Variants in SYNE3 observed in about 807,000 individuals in gnomAD.
SYNE3 encodes nesprin-3.
In SYNE3, 100 loss-of-function variants were observed where a neutral mutation model predicts 111.2. The ratio of observed to expected loss-of-function variants is 0.90; its 90% CI spans 0.77 to 1.06. The LOEUF (loss-of-function observed/expected upper bound fraction) is 1.06. SYNE3 is among the 50% of genes least tolerant of loss of function. The probability of loss-of-function intolerance (pLI) is 0.00; values close to 1 mark genes in which losing one functional copy is unlikely to be tolerated. For missense variants in SYNE3, 1,160 were observed against 1,240.3 expected, an observed-to-expected ratio of 0.94 and a Z score of 0.97; for synonymous variants, 547 against 533.9, an observed-to-expected ratio of 1.02 and a Z score of -0.34.
In SYNE3 at chr14:95,455,511, G is replaced by C. The variant is rs753314369; in HGVS notation, c.1003C>G (p.Gln335Glu). The C allele has an allele frequency of 4.3e-6, 7 of 1,613,784 alleles. No individual in the cohort carries two copies. The highest frequency in any genetic ancestry group is 5.1e-6 in the Non-Finnish European group (6 of 1,180,018). Residue 335 changes from glutamine to glutamate, a missense_variant, in exon 6 of 18, where the codon CAG (glutamine) becomes GAG (glutamate). Gln to Glu is a conservative substitution (Grantham distance 29). Transcript: ENST00000682763. ...GLLRSRGAWE[Q>E]QIKQLEAELS... ...TCAGCCTCCAGCTGCTTAATCTGCT[G>C]CTCCCAGGCTCCCCTGGACCGGAGC...
At chr14:95,514,497 C>T (rs1890840838) in intron 1 of SYNE3, among the ~76,000 whole-genome samples, 1 of 152,238 alleles carries the variant, frequency 6.6e-6, no homozygotes, top group Non-Finnish European at 1.5e-5. Flanking sequence ...GACGAGGCCC[C>T]TTCGCCTCAA....
chr14:95,478,284 C>A (rs1023648399), intron 1 of SYNE3, among the ~76,000 whole-genome samples: 1 of 152,194 alleles, frequency 6.6e-6, no homozygotes, highest in Non-Finnish European at 1.5e-5. Context: ...AATAAGCAGA[C>A]AGCAGACACT....
intron 6 of SYNE3, among the ~76,000 whole-genome samples, chr14:95,454,128 A>G (rs1357230582): frequency 6.6e-6 from 1 of 152,254 alleles, no homozygotes; most frequent in South Asian, 2.1e-4. Context: ...GCAGAGGGAT[A>G]ACACAAGTCA....
At position 95,439,718 on chromosome 14, in the gene SYNE3, C is replaced by T. The variant is rs868284481; in HGVS notation, c.2140G>A (p.Val714Met). ...CCCTCCGGAGAAGACTTCTCCATCA[C>T]CAGCCAGCCCTGCGCTTCCACCAGG... is the stretch of plus-strand genomic sequence containing the variant. ...LSLVEAQGWLVMEKSSPEGAA... is the reference protein window; with the variant it reads ...LSLVEAQGWLMMEKSSPEGAA... The change falls in exon 13 of 18, where the codon GTG (valine) becomes ATG (methionine). Residue 714 changes from valine to methionine, a missense_variant. Coordinates refer to ENST00000682763, the MANE Select transcript of SYNE3 (RefSeq NM_152592.6). 3 of 1,614,208 alleles carry T rather than the reference C, an allele frequency of 1.9e-6. No individual in the cohort carries two copies. The highest frequency in any genetic ancestry group is 1.3e-5 in the African/African-American group (1 of 75,072).
chr14:95,427,808 T>C (rs528058775), intron 17 of SYNE3, among the ~76,000 whole-genome samples: 1 of 152,320 alleles, frequency 6.6e-6, no homozygotes, highest in South Asian at 2.1e-4. Context: ...GTCTTTTCTT[T>C]TATCTCTTTG....
chr14:95,448,149 G>A (rs1419837310), intron 8 of SYNE3, among the ~76,000 whole-genome samples: 2 of 152,192 alleles, frequency 1.3e-5, no homozygotes, highest in African/African-American at 4.8e-5. Flanking sequence ...CATAAAAATT[G>A]TAATTAAATC....
intron 1 of SYNE3, among the ~76,000 whole-genome samples, chr14:95,496,065 G>A (rs1243873639): frequency 6.6e-6 from 1 of 152,242 alleles, no homozygotes; most frequent in Non-Finnish European, 1.5e-5. Context: ...TGAAGGCCAT[G>A]CCCTAAAAGG....
intron 8 of SYNE3, chr14:95,449,395 C>T (rs1886915039): frequency 3.1e-6 from 3 of 981,130 alleles, no homozygotes; most frequent in African/African-American, 3.5e-5. Flanking sequence ...GTGGAGAGAG[C>T]CCTGTGCATC....
intron 1 of SYNE3, among the ~76,000 whole-genome samples, chr14:95,478,447 G>C (rs1307726617): frequency 2.6e-5 from 4 of 152,176 alleles, no homozygotes; most frequent in Admixed American, 2.6e-4. Flanking sequence ...CTGGGGACCA[G>C]CTTCTGCCCT....
chr14:95,425,161 G>A (rs1414829882), intron 17 of SYNE3, among the ~76,000 whole-genome samples: 4 of 151,964 alleles, frequency 2.6e-5, no homozygotes, highest in African/African-American at 9.7e-5. Flanking sequence ...CAGGAGAATC[G>A]CTTGAACCTG....
intron 14 of SYNE3, chr14:95,438,372 C>T (rs563270298): frequency 3.9e-5 from 6 of 152,412 alleles, no homozygotes; most frequent in Middle Eastern, 6.8e-3. Context: ...GTAGGTGTAG[C>T]TCACCATACC....
chr14:95,442,513 A>G (rs1273691257), intron 11 of SYNE3, among the ~76,000 whole-genome samples: 1 of 152,142 alleles, frequency 6.6e-6, no homozygotes, highest in African/African-American at 2.4e-5. Context: ...ACCCTGCTTT[A>G]TACTCCTCAG....
chr14:95,420,061 G>A (rs1208030472), intron 17 of SYNE3, among the ~76,000 whole-genome samples: 1 of 151,504 alleles, frequency 6.6e-6, no homozygotes, highest in Non-Finnish European at 1.5e-5. Flanking sequence ...AGATGATAAC[G>A]CTTAACCCTG....
intron 17 of SYNE3, among the ~76,000 whole-genome samples, chr14:95,428,034 A>T (rs766466943): frequency 6.6e-6 from 1 of 152,248 alleles, no homozygotes; most frequent in Non-Finnish European, 1.5e-5. Context: ...AAGAACAGCA[A>T]CCAAGATGGT....
At position 95,455,685 on chromosome 14, in the gene SYNE3, C is replaced by G; in HGVS notation, c.829G>C (p.Glu277Gln). Residue 277 changes from glutamate to glutamine, a missense_variant, in exon 6 of 18, where the codon GAG becomes CAG. Transcript: ENST00000682763. ...CCCGCAGACTGCTCCTCCAGCGTCTCCAGAGACTCCTCGCCCCTGGGAAAA... is the reference window on the plus strand; with the variant it reads ...CCCGCAGACTGCTCCTCCAGCGTCTGCAGAGACTCCTCGCCCCTGGGAAAA... ...KDFPRGEESL[E>Q]TLEEQSAGVI... 6.2e-7 allele frequency: 1 copy of G among 1,614,192 alleles called. No individual in the cohort carries two copies.
intron 7 of SYNE3, chr14:95,451,511 C>T (rs1887074790): frequency 6.6e-6 from 1 of 152,264 alleles, no homozygotes; most frequent in Non-Finnish European, 1.5e-5. Flanking sequence ...CCCCCAACCC[C>T]AGCCCGACCC....
In SYNE3 at chr14:95,428,714, A is replaced by G. The variant is rs564555254; in HGVS notation, c.2727+3365T>C. Among the ~76,000 whole-genome samples, 134 of 152,350 alleles carry G rather than the reference A, an allele frequency of 8.8e-4. 2 individuals carry two copies. Among genetic ancestry groups the G allele is most frequent in the Non-Finnish European group, 1.2e-4 (8 of 68,034 alleles). On this transcript the variant is annotated intron_variant, in intron 17 of 17. Coordinates refer to ENST00000682763, the MANE Select transcript of SYNE3 (RefSeq NM_152592.6). The stretch of plus-strand genomic sequence containing the variant: ...CTCACAGCACAACTGCAACTCAAAA[A>G]GCAATGCCATTTCACGTGTCTCAAT...
intron 1 of SYNE3, among the ~76,000 whole-genome samples, chr14:95,481,661 G>C (rs1042551771): frequency 4.6e-5 from 7 of 152,192 alleles, no homozygotes; most frequent in African/African-American, 1.7e-4. Flanking sequence ...CAGCCCGCAG[G>C]GGGTCAGCTC....
At chr14:95,458,633 T>A (rs947888820) in intron 4 of SYNE3, among the ~76,000 whole-genome samples, 1 of 152,224 alleles carries the variant, frequency 6.6e-6, no homozygotes, top group South Asian at 2.1e-4. Context: ...CCTTCTGAGT[T>A]CCCAAACCAC....
Sources: gnomAD v4.1 joint callset for allele counts (sites outside exome capture counted in the v4.1 genomes callset) on GRCh38, gnomAD v4.1.1 for gene constraint, MANE v1.5 for transcripts, NCBI Gene and HGNC (gene_info 2026-07-23, HGNC 2026-07-21) for gene names.